The following THRAP3 variants were observed in gnomAD, a reference collection of about 807,000 sequenced individuals.
The protein encoded by THRAP3 is thyroid hormone receptor associated protein 3.
Under a neutral mutation model 101.0 loss-of-function variants are expected in THRAP3, and 16 were observed. The observed-to-expected ratio is 0.16, with a 90% CI of 0.11 to 0.24. The LOEUF is 0.24. Ranked by LOEUF, THRAP3 falls within the 10% of genes least tolerant of loss-of-function variation. The probability of loss-of-function intolerance (pLI) is 1.00; values close to 1 mark genes in which losing one functional copy is unlikely to be tolerated. For missense variants in THRAP3, 989 were observed against 1,202.7 expected (o/e 0.82, Z 2.63); for synonymous variants, 407 against 422.6 (o/e 0.96, Z 0.45).
At chr1:36,221,307 AAAG>A (rs1398222993), upstream of THRAP3, among the ~76,000 whole-genome samples, 3 of 151,940 alleles carry the variant, frequency 2.0e-5, no homozygotes, top group Admixed American at 1.3e-4. Flanking sequence ...TCCAATTTTG[AAAG>A]AAGTTCTGCT....
At chr1:36,237,686 G>A (rs527476273) in intron 1 of THRAP3, among the ~76,000 whole-genome samples, 31 of 152,148 alleles carry the variant, frequency 2.0e-4, no homozygotes, top group Non-Finnish European at 4.3e-4. Flanking sequence ...CCGGAGAATT[G>A]CTTGAACCTG....
At chr1:36,249,471 G>A (rs990900421) in intron 1 of THRAP3, among the ~76,000 whole-genome samples, 17 of 151,942 alleles carry the variant, frequency 1.1e-4, no homozygotes, top group Admixed American at 7.2e-4. Context: ...GATTACAGGC[G>A]TGAGCCACTG....
chr1:36,270,571 G>GTTTTTTTTTTTTTT lies in THRAP3; in HGVS notation c.-32+11092_-32+11093insTTTTTTTTTTTTTT, dbSNP rs532301363. ...TAAAAATACAGTTCTATTTGTTTAG[G>GTTTTTTTTTTTTTT]TTTTTGTTTTTTTTTTTTTTTTTGA... On this transcript the variant is annotated intron_variant, in intron 2 of 11. Transcript: ENST00000354618. Among the ~76,000 whole-genome samples the GTTTTTTTTTTTTTT allele has an allele frequency of 1.9e-4, 6 of 31,870 alleles. 1 individual carries two copies. Among genetic ancestry groups the GTTTTTTTTTTTTTT allele is most frequent in the Admixed American group, 5.4e-4 (1 of 1,844 alleles). The allele number at this position is 31,870 out of a possible 152,430, so 20.9% of individuals were successfully genotyped here.
At chr1:36,218,240 G>T in the THRAP3 span, among the ~76,000 whole-genome samples, 1 of 151,354 alleles carries the variant, frequency 6.6e-6, no homozygotes, top group Non-Finnish European at 1.5e-5. Context: ...GTGGTGGCAG[G>T]CACCTGTAGT....
chr1:36,260,617 TC>T (rs1278809907), intron 2 of THRAP3, among the ~76,000 whole-genome samples: 1 of 151,726 alleles, frequency 6.6e-6, no homozygotes, highest in Non-Finnish European at 1.5e-5. Flanking sequence ...GGTCAGGAGA[TC>T]GAGACCATCC....
the THRAP3 span, among the ~76,000 whole-genome samples, chr1:36,214,869 T>A: frequency 6.1e-4 from 86 of 141,496 alleles, 1 homozygote; most frequent in South Asian, 4.5e-3. Context: ...AAAAAAAAAA[T>A]AAATAAATAA....
intron 1 of THRAP3, among the ~76,000 whole-genome samples, chr1:36,243,255 G>A (rs1645185345): frequency 6.8e-6 from 1 of 146,418 alleles, no homozygotes; most frequent in Admixed American, 7.1e-5. Flanking sequence ...AGGGGGATTT[G>A]GCAGGGTCAC....
chr1:36,281,000 G>C (rs1346235736), intron 2 of THRAP3, among the ~76,000 whole-genome samples: 2 of 149,764 alleles, frequency 1.3e-5, no homozygotes, highest in South Asian at 4.2e-4. Flanking sequence ...ATCTTGGCTC[G>C]CTGTAACCTC....
chr1:36,284,280 A>T (rs1394938721), intron 3 of THRAP3, among the ~76,000 whole-genome samples: 1 of 152,226 alleles, frequency 6.6e-6, no homozygotes, highest in African/African-American at 2.4e-5. Flanking sequence ...AGGAAAAAAT[A>T]TTTTAGGAAG....
intron 2 of THRAP3, among the ~76,000 whole-genome samples, chr1:36,277,246 G>A (rs1187415399): frequency 6.6e-6 from 1 of 151,648 alleles, no homozygotes; most frequent in Non-Finnish European, 1.5e-5. Context: ...TGGGATTGCA[G>A]GCATCAGCCA....
chr1:36,238,932 AATT>A (rs557003234), intron 1 of THRAP3, among the ~76,000 whole-genome samples: 9 of 150,160 alleles, frequency 6.0e-5, no homozygotes, highest in African/African-American at 2.0e-4. Context: ...TTTATTGTTT[AATT>A]ATTATTATTA....
At chr1:36,230,962 A>G (rs999680342) in intron 1 of THRAP3, among the ~76,000 whole-genome samples, 4 of 152,128 alleles carry the variant, frequency 2.6e-5, no homozygotes, top group Admixed American at 6.6e-5. Context: ...TGTCATTTCC[A>G]ATTTGCCCTA....
intron 1 of THRAP3, among the ~76,000 whole-genome samples, chr1:36,232,936 G>A (rs1315356693): frequency 1.8e-4 from 8 of 45,042 alleles, no homozygotes; most frequent in Admixed American, 6.5e-4. Context: ...GTGCTGTGGC[G>A]CGGTCTCGGC....
At chr1:36,288,049 G>T in intron 4 of THRAP3, 1 of 964,876 alleles carries the variant, frequency 1.0e-6, no homozygotes, top group Non-Finnish European at 1.2e-6. Flanking sequence ...GATTCTTCTT[G>T]GCTGTATTAA....
intron 1 of THRAP3, among the ~76,000 whole-genome samples, chr1:36,247,546 G>T (rs1205981935): frequency 4.6e-5 from 7 of 151,938 alleles, no homozygotes; most frequent in Non-Finnish European, 1.0e-4. Context: ...AGCTGGTTTT[G>T]AACTCCTGAC....
intron 6 of THRAP3, 23 bp downstream of exon 6, chr1:36,291,569 T>G (rs779145047): frequency 1.2e-6 from 2 of 1,608,704 alleles, no homozygotes; most frequent in South Asian, 2.2e-5. Context: ...CCTGGCCTGC[T>G]TCAGGCTCGT....
chr1:36,242,930 T>G (rs1437961254), intron 1 of THRAP3, among the ~76,000 whole-genome samples: 1 of 152,134 alleles, frequency 6.6e-6, no homozygotes, highest in African/African-American at 2.4e-5. Context: ...ATTGCTTATT[T>G]TATTTTATTT....
At chr1:36,227,364 A>G (rs1483191875) in intron 1 of THRAP3, among the ~76,000 whole-genome samples, 1 of 151,230 alleles carries the variant, frequency 6.6e-6, no homozygotes, top group Non-Finnish European at 1.5e-5. Flanking sequence ...GCTCACTGCA[A>G]CCTCCACCTC....
At chr1:36,252,326 T>C (rs1370679715) in intron 1 of THRAP3, among the ~76,000 whole-genome samples, 2 of 152,166 alleles carry the variant, frequency 1.3e-5, no homozygotes, top group African/African-American at 2.4e-5. Context: ...GGTTTCACCA[T>C]GTTGGTCAGG....
Sources: gnomAD v4.1 joint callset for allele counts (sites outside exome capture counted in the v4.1 genomes callset) on GRCh38, gnomAD v4.1.1 for gene constraint, MANE v1.5 for transcripts, NCBI Gene and HGNC (gene_info 2026-07-23, HGNC 2026-07-21) for gene names.